The following ATXN2L variants were observed in gnomAD, a reference collection of about 807,000 sequenced individuals.
ATXN2L encodes the protein ataxin 2 like, also known as ataxin-2-like protein.
A neutral mutation model predicts 120.7 loss-of-function variants in ATXN2L; 24 were observed. The ratio of observed to expected loss-of-function variants is 0.20; its 90% CI spans 0.14 to 0.28. The LOEUF (loss-of-function observed/expected upper bound fraction) is 0.28. ATXN2L is among the 10% of genes least tolerant of loss of function. The probability of loss-of-function intolerance (pLI) is 1.00; values close to 1 mark genes in which losing one functional copy is unlikely to be tolerated. For missense variants in ATXN2L, 1,312 were observed against 1,432.3 expected (o/e 0.92, Z 1.36); for synonymous variants, 653 against 568.1 (o/e 1.15, Z -2.13).
intron 16 of ATXN2L, 22 bp downstream of exon 16, chr16:28,834,233 G>T (rs778826309): frequency 6.2e-7 from 1 of 1,611,638 alleles, no homozygotes; most frequent in Non-Finnish European, 8.5e-7. Flanking sequence ...GACTGGCCGG[G>T]CCCAGGGTTA....
chr16:28,826,575 G>T (rs1030596424), intron 5 of ATXN2L, 185 bp downstream of exon 5: 3 of 670,174 alleles, frequency 4.5e-6, no homozygotes, highest in East Asian at 2.7e-5. Context: ...AATATGTCTT[G>T]ATGTCTAATA....
At chr16:28,827,303 A>T (rs559400279) in intron 6 of ATXN2L, among the ~76,000 whole-genome samples, 1 of 152,112 alleles carries the variant, frequency 6.6e-6, no homozygotes, top group Non-Finnish European at 1.5e-5. Flanking sequence ...GTTTGGTGGC[A>T]TGTACCTGTA....
intron 10 of ATXN2L, among the ~76,000 whole-genome samples, chr16:28,831,713 C>G (rs1324836543): frequency 6.6e-6 from 1 of 151,918 alleles, no homozygotes; most frequent in Non-Finnish European, 1.5e-5. Flanking sequence ...ACGGCAAAAC[C>G]CTTCTGCAAA....
chr16:28,836,843 C>G lies in ATXN2L; in HGVS notation c.*578C>G, dbSNP rs1411317051. On this transcript the variant is annotated 3_prime_UTR_variant, in exon 22 of 22. Transcript: ENST00000336783. The stretch of plus-strand genomic sequence containing the variant: ...GGAAGAGTGATCTATGTCTCTTCCC[C>G]CAGCAGCTCGGACCACTCCCAGCCC... 1.3e-6 allele frequency: 2 copies of G among 1,593,206 alleles called. No individual in the cohort carries two copies. Among genetic ancestry groups the G allele is most frequent in the Non-Finnish European group, 1.7e-6 (2 of 1,163,506 alleles).
At chr16:28,833,612 CCT>C (rs1202263330) in intron 15 of ATXN2L, 104 bp downstream of exon 15, 10 of 1,223,734 alleles carry the variant, frequency 8.2e-6, no homozygotes, top group East Asian at 2.4e-5. Context: ...GGACCACTTG[CCT>C]GGCAGGCAGT....
In ATXN2L at chr16:28,835,387, C is replaced by T; in HGVS notation, c.2673C>T (p.Pro891=). The change falls in exon 20 of 22, where the codon CCC becomes CCT. Residue 891 remains proline, a synonymous_variant. Coordinates refer to ENST00000336783, the MANE Select transcript of ATXN2L (RefSeq NM_007245.4). ...AGCCGCAGTCCCAGCATGCGGCCCC[C>T]AGTCCTGTCCAGGTGCCTGCCATGG... ...GSQPQSQHAA[P]SPVQHQAGQA... 1 of 1,612,916 alleles carries T rather than the reference C, an allele frequency of 6.2e-7. No homozygotes were observed. The highest frequency in any genetic ancestry group is 8.5e-7 in the Non-Finnish European group (1 of 1,179,940).
intron 16 of ATXN2L, 42 bp downstream of exon 16, chr16:28,834,253 G>A: frequency 6.2e-7 from 1 of 1,610,636 alleles, no homozygotes; most frequent in East Asian, 2.2e-5. Context: ...AGCGGGGTGG[G>A]ATTTGGTTGC....
chr16:28,823,343 C>CG lies in ATXN2L; in HGVS notation c.89dup (p.Thr31HisfsTer85). The CG allele has an allele frequency of 2.2e-6, 3 of 1,381,918 alleles. No homozygotes were observed. The highest frequency in any genetic ancestry group is 1.9e-5 in the South Asian group (1 of 53,866). 85.6% of individuals were successfully genotyped at this position (1,381,918 alleles called of 1,614,324 possible). A position where few individuals can be genotyped will look rare whatever the true frequency, so the allele number is the denominator to read the frequency against. On this transcript the variant is annotated frameshift_variant, in exon 1 of 22. Transcript: ENST00000336783. LOFTEE classifies it high-confidence loss of function. ...AACAGGCCGTGGCCCGTCGGCCCCCCGGGGGCACCAGCCCTCCCAACGGCG... is the reference window on the plus strand; with the variant it reads ...AACAGGCCGTGGCCCGTCGGCCCCCCGGGGGGCACCAGCCCTCCCAACGGCG...
rs550971863 is a variant in ATXN2L, at chr16:28,828,555, C to T, written c.742-846C>T. ...TGAGCCAAGATCGCACCATTGCACTCCAGCCTGGGCAACAAGAGTGAAACT... is the reference window on the plus strand; with the variant it reads ...TGAGCCAAGATCGCACCATTGCACTTCAGCCTGGGCAACAAGAGTGAAACT... On this transcript the variant is annotated intron_variant, in intron 6 of 21. Transcript: ENST00000336783. 3.3e-5 allele frequency among the ~76,000 whole-genome samples: 5 copies of T among 151,346 alleles called. No homozygotes were observed. In the East Asian group the frequency reaches 9.7e-4, roughly 29 times the overall value.
intron 12 of ATXN2L, 75 bp from the exon 13 acceptor site, chr16:28,832,742 G>T: frequency 6.6e-7 from 1 of 1,510,696 alleles, no homozygotes; most frequent in Non-Finnish European, 9.2e-7. Context: ...CTTGTCCTCT[G>T]TTCTTTTGGC....
At position 28,832,867 on chromosome 16, in the gene ATXN2L, A is replaced by G. The variant is rs545006715; in HGVS notation, c.1639A>G (p.Lys547Glu). The G allele has an allele frequency of 6.2e-7, 1 of 1,614,164 alleles. No homozygotes were observed. Among genetic ancestry groups the G allele is most frequent in the Non-Finnish European group, 8.5e-7 (1 of 1,180,026 alleles). ...QKRFQLEELRKFGAQFKLQPS... is the reference protein window; with the variant it reads ...QKRFQLEELREFGAQFKLQPS... Reference sequence around the variant, plus strand: ...ACGATTCCAACTGGAAGAACTGAGAAAGTTTGGGGCCCAGTTTAAGGTGAG... The same window carrying G: ...ACGATTCCAACTGGAAGAACTGAGAGAGTTTGGGGCCCAGTTTAAGGTGAG... The change falls in exon 13 of 22, where the codon AAG (lysine) becomes GAG (glutamate). Residue 547 changes from lysine to glutamate, a missense_variant. Lys to Glu is a moderately conservative substitution (Grantham distance 56). Transcript: ENST00000336783.
In ATXN2L at chr16:28,826,980, T is replaced by C. The variant is rs1449948781; in HGVS notation, c.735T>C (p.Ser245=). The C allele has an allele frequency of 8.4e-6, 13 of 1,548,976 alleles. No individual in the cohort carries two copies. In the South Asian group the frequency reaches 1.5e-4, roughly 18 times the overall value. The change falls in exon 6 of 22, where the codon TCT becomes TCC. Residue 245 remains serine, a synonymous_variant. Transcript: ENST00000336783. ...ACAGCGACGACTATGACCTCGAGTC[T>C]GACATGGTATAGCCTCCTTCCCTGA... ...DSNSDDYDLE[S]DMSNGWDPNE...
intron 16 of ATXN2L, 62 bp downstream of exon 16, chr16:28,834,273 G>A (rs1275674132): frequency 4.3e-6 from 7 of 1,610,716 alleles, no homozygotes; most frequent in Non-Finnish European, 5.1e-6. Flanking sequence ...CGCTGGTTGA[G>A]GGACCAGGTC....
chr16:28,829,466 C>G lies in ATXN2L; in HGVS notation c.807C>G (p.Thr269=). ...AGGAGAACTACGGTGTGAAGACTAC[C>G]TATGATAGCAGTCTTTCTTCTTATA... ...FNEENYGVKT[T]YDSSLSSYTV... is the part of the protein sequence containing the mutation. The change falls in exon 7 of 22, where the codon ACC becomes ACG. Residue 269 remains threonine, a synonymous_variant. Coordinates refer to ENST00000336783, the MANE Select transcript of ATXN2L (RefSeq NM_007245.4). 1.9e-6 allele frequency: 3 copies of G among 1,609,932 alleles called. No individual in the cohort carries two copies. Among genetic ancestry groups the G allele is most frequent in the Non-Finnish European group, 2.6e-6 (3 of 1,176,184 alleles).
chr16:28,826,942 G>T lies in ATXN2L; in HGVS notation c.697G>T (p.Gly233Trp), dbSNP rs570631568. The change falls in exon 6 of 22, where the codon GGG becomes TGG. Residue 233 changes from glycine (G) to tryptophan (W), a missense_variant. Physicochemically the swap from Gly to Trp is radical, Grantham distance 184 (BLOSUM62 -2). Coordinates refer to ENST00000336783, the MANE Select transcript of ATXN2L (RefSeq NM_007245.4). ...AGAGAAGGTGCTTCAGCGCTGGGAGGGGGGTGACAGCAACAGCGACGACTA... is the reference window on the plus strand; with the variant it reads ...AGAGAAGGTGCTTCAGCGCTGGGAGTGGGGTGACAGCAACAGCGACGACTA... ...HKEKVLQRWE[G>W]GDSNSDDYDL... is the part of the protein sequence containing the mutation. 6.9e-6 allele frequency: 11 copies of T among 1,586,662 alleles called. No homozygotes were observed. In the East Asian group the frequency reaches 1.1e-4, roughly 16 times the overall value.
intron 9 of ATXN2L, 24 bp from the exon 10 acceptor site, chr16:28,830,938 A>C: frequency 8.3e-7 from 1 of 1,211,394 alleles, no homozygotes; most frequent in South Asian, 1.5e-5. Flanking sequence ...TTTCTTCTCA[A>C]AAAAAAAAAA....
chr16:28,831,697 G>A (rs761917830), intron 10 of ATXN2L, among the ~76,000 whole-genome samples: 11 of 151,978 alleles, frequency 7.2e-5, no homozygotes, highest in Non-Finnish European at 8.8e-5. Context: ...GACCAGCCTG[G>A]GCAACACGGC....
chr16:28,833,173 A>T lies in ATXN2L; in HGVS notation c.1774A>T (p.Met592Leu). 6.2e-7 allele frequency: 1 copy of T among 1,614,222 alleles called. No homozygotes were observed. Among genetic ancestry groups the T allele is most frequent in the Non-Finnish European group, 8.5e-7 (1 of 1,180,038 alleles). Residue 592 changes from methionine to leucine, a missense_variant, in exon 14 of 22, where the codon ATG becomes TTG. Transcript: ENST00000336783. ...TGATGGTCTGTTGACTTCAGAGCCCATGGGGTCTCCCGTCTCCTCCAAGAC... is the reference window on the plus strand; with the variant it reads ...TGATGGTCTGTTGACTTCAGAGCCCTTGGGGTCTCCCGTCTCCTCCAAGAC... Reference protein sequence around the residue: ...EVDGLLTSEPMGSPVSSKTES... With the variant: ...EVDGLLTSEPLGSPVSSKTES...
chr16:28,834,727 G>T, intron 18 of ATXN2L, 34 bp downstream of exon 18: 1 of 1,576,222 alleles, frequency 6.3e-7, no homozygotes, highest in Non-Finnish European at 8.6e-7. Context: ...TGAGGATCCA[G>T]GGCCCCTGCT....
Sources: allele counts gnomAD v4.1 joint callset (sites outside exome capture counted in the v4.1 genomes callset), GRCh38; gene constraint gnomAD v4.1.1; transcripts MANE v1.5; gene names NCBI Gene and HGNC (gene_info 2026-07-23, HGNC 2026-07-21).